SIPA1L1: variants seen among roughly 807,000 people sequenced by gnomAD.
SIPA1L1 encodes signal induced proliferation associated 1 like 1, also known as signal-induced proliferation-associated 1-like protein 1.
A neutral mutation model predicts 162.7 loss-of-function variants in SIPA1L1; 26 were observed. The observed-to-expected ratio is 0.16, with a 90% CI of 0.12 to 0.22. The LOEUF is 0.22. Among genes scored for constraint, SIPA1L1 ranks in the 10% least tolerant of loss-of-function variants. SIPA1L1 has a pLI of 1.00. For synonymous variants in SIPA1L1, 829 were observed against 837.4 expected (o/e 0.99, Z 0.17); for missense variants, 1,874 against 2,241.0 (o/e 0.84, Z 3.31).
At chr14:71,673,698 T>C (rs1236620964) in intron 12 of SIPA1L1, among the ~76,000 whole-genome samples, 1 of 152,246 alleles carries the variant, frequency 6.6e-6, no homozygotes, top group Non-Finnish European at 1.5e-5. Context: ...TGTCAAAATA[T>C]AGAAAAATTC....
At chr14:71,581,575 C>A (rs2033933159) in intron 4 of SIPA1L1, among the ~76,000 whole-genome samples, 1 of 151,984 alleles carries the variant, frequency 6.6e-6, no homozygotes, top group African/African-American at 2.4e-5. Flanking sequence ...TATTTAATAC[C>A]AGATTTGATT....
At chr14:71,479,371 A>ATGTATGTATGTG (rs1555433746) in intron 2 of SIPA1L1, among the ~76,000 whole-genome samples, 6 of 151,320 alleles carry the variant, frequency 4.0e-5, no homozygotes, top group South Asian at 2.1e-4. Flanking sequence ...GTATGTATGT[A>ATGTATGTATGTG]TGTGTGTATA....
At chr14:71,389,788 A>G (rs1309559694) in intron 2 of SIPA1L1, among the ~76,000 whole-genome samples, 2 of 152,180 alleles carry the variant, frequency 1.3e-5, no homozygotes, top group African/African-American at 4.8e-5. Flanking sequence ...CATCGTCAGG[A>G]GCCCACCCTT....
intron 13 of SIPA1L1, among the ~76,000 whole-genome samples, chr14:71,695,257 G>A (rs2081540165): frequency 6.6e-6 from 1 of 152,184 alleles, no homozygotes; most frequent in East Asian, 1.9e-4. Context: ...CATTTGGGTG[G>A]CATTCCATCA....
intron 2 of SIPA1L1, among the ~76,000 whole-genome samples, chr14:71,496,823 G>A (rs997512769): frequency 6.6e-6 from 1 of 152,102 alleles, no homozygotes; most frequent in African/African-American, 2.4e-5. Flanking sequence ...ATTATAAATT[G>A]TCCCTCTTTT....
At position 71,723,777 on chromosome 14, in the gene SIPA1L1, T is replaced by G; in HGVS notation, c.4339T>G (p.Ser1447Ala). 6.2e-7 allele frequency: 1 copy of G among 1,614,158 alleles called. No homozygotes were observed. The highest frequency in any genetic ancestry group is 8.5e-7 in the Non-Finnish European group (1 of 1,180,022). Residue 1447 changes from serine to alanine, a missense_variant, in exon 18 of 24, where the codon TCT (serine) becomes GCT (alanine). By Grantham distance (99) the Ser-to-Ala change is moderately conservative (BLOSUM62 1). This residue lies in a region of SIPA1L1 where 936 missense variants were observed against 1,051.9 expected (regional missense o/e 0.89). Coordinates refer to ENST00000381232, the MANE Select transcript of SIPA1L1 (RefSeq NM_001386936.1). ...CTTCTCCTCCTCTTCCTCCTCCTCC[T>G]CTGGTCCTAGGAGTTTTTACCCTCG... ...PSFSSSSSSS[S>A]GPRSFYPRQG...
chr14:71,486,541 G>A (rs749609792), intron 2 of SIPA1L1, among the ~76,000 whole-genome samples: 1 of 152,198 alleles, frequency 6.6e-6, no homozygotes, highest in East Asian at 1.9e-4. Context: ...CACTTTGCCA[G>A]CCCAAATAAA....
At chr14:71,477,484 A>G (rs562787861) in intron 2 of SIPA1L1, among the ~76,000 whole-genome samples, 2 of 152,288 alleles carry the variant, frequency 1.3e-5, no homozygotes, top group South Asian at 4.1e-4. Context: ...AGAGCAGACC[A>G]TCTCTAATTA....
intron 2 of SIPA1L1, among the ~76,000 whole-genome samples, chr14:71,331,247 A>G (rs544033253): frequency 3.3e-5 from 5 of 152,176 alleles, no homozygotes; most frequent in South Asian, 2.1e-4. Flanking sequence ...ATTCTATTCT[A>G]TTGGTCTCTT....
rs574928513 is a variant in SIPA1L1, at chr14:71,675,728, G to A, written c.3104+3106G>A. Among the ~76,000 whole-genome samples the A allele has an allele frequency of 1.2e-4, 19 of 152,234 alleles. No homozygotes were observed. In the South Asian group the frequency reaches 2.3e-3, roughly 18 times the overall value. On this transcript the variant is annotated intron_variant, in intron 12 of 23. Coordinates refer to ENST00000381232, the MANE Select transcript of SIPA1L1 (RefSeq NM_001386936.1). The stretch of plus-strand genomic sequence containing the variant: ...CACCACCAGTCACTGCAGCTGCAGC[G>A]AGAGGCAGGACAGGCCTCCTTGAGG...
At chr14:71,464,311 A>G (rs555595949) in intron 2 of SIPA1L1, among the ~76,000 whole-genome samples, 2 of 152,236 alleles carry the variant, frequency 1.3e-5, no homozygotes, top group Admixed American at 6.5e-5. Context: ...CAAATAAACT[A>G]TTAGAACCTT....
At chr14:71,536,002 C>A (rs2053862698) in intron 4 of SIPA1L1, among the ~76,000 whole-genome samples, 1 of 152,064 alleles carries the variant, frequency 6.6e-6, no homozygotes, top group Non-Finnish European at 1.5e-5. Flanking sequence ...TGTTGCCTTG[C>A]CATCCTACGG....
intron 2 of SIPA1L1, among the ~76,000 whole-genome samples, chr14:71,390,566 A>G (rs1431962159): frequency 1.3e-5 from 2 of 152,154 alleles, no homozygotes; most frequent in African/African-American, 4.8e-5. Context: ...ATTTGAGCTC[A>G]GGAGTTTGAG....
Position 71,588,541 on chromosome 14 carries a change from T to G in SIPA1L1, c.669T>G (p.Phe223Leu), listed in dbSNP as rs1209806009. The G allele has an allele frequency of 6.2e-7, 1 of 1,614,128 alleles. No homozygotes were observed. The highest frequency in any genetic ancestry group is 8.5e-7 in the Non-Finnish European group (1 of 1,179,986). The change falls in exon 5 of 24, where the codon TTT becomes TTG. Residue 223 changes from phenylalanine to leucine, a missense_variant. By Grantham distance (22) the Phe-to-Leu change is conservative. Transcript: ENST00000381232. The surrounding 1 kb of genome is among the most constrained non-coding windows in gnomAD (Gnocchi z 4.3). ...DKQGTSGESF[F>L]DLLKGYKDDK... is the part of the protein sequence containing the mutation. ...AGGGAACATCTGGAGAAAGCTTTTT[T>G]GATTTGTTAAAGGGCTACAAAGATG...
chr14:71,597,840 G>C (rs898103351), intron 5 of SIPA1L1, among the ~76,000 whole-genome samples: 14 of 152,058 alleles, frequency 9.2e-5, no homozygotes, highest in African/African-American at 3.1e-4. Context: ...CCACTGACCT[G>C]ACCCACCCTA....
At position 71,511,362 on chromosome 14, in the gene SIPA1L1, G is replaced by T. The variant is rs530698375; in HGVS notation, c.-464-1381G>T. 2.0e-4 allele frequency among the ~76,000 whole-genome samples: 30 copies of T among 152,170 alleles called. 1 individual carries two copies. Among genetic ancestry groups the T allele is most frequent in the Non-Finnish European group, 4.4e-4 (30 of 67,998 alleles). ...TAGAGTGGTGTGAACACAGCTCACT[G>T]CTGCCTCTACCTTCTGGACTCAAGC... On this transcript the variant is annotated intron_variant, in intron 2 of 23. Transcript: ENST00000381232.
chr14:71,480,841 A>C (rs549221072), intron 2 of SIPA1L1, among the ~76,000 whole-genome samples: 1 of 152,328 alleles, frequency 6.6e-6, no homozygotes, highest in East Asian at 1.9e-4. Context: ...AAAATACAAG[A>C]ACAAACTAGA....
chr14:71,648,710 T>C (rs2042377541), intron 7 of SIPA1L1, among the ~76,000 whole-genome samples: 1 of 152,256 alleles, frequency 6.6e-6, no homozygotes, highest in Admixed American at 6.5e-5. Flanking sequence ...GTCAGCCCCA[T>C]GTCAAGTTTT....
intron 4 of SIPA1L1, among the ~76,000 whole-genome samples, chr14:71,530,051 G>A (rs899466969): frequency 1.3e-5 from 2 of 152,172 alleles, no homozygotes; most frequent in Non-Finnish European, 2.9e-5. Context: ...TTTCTCTGAC[G>A]TCCAAGCATT....
Sources: gnomAD v4.1 joint callset for allele counts (sites outside exome capture counted in the v4.1 genomes callset) on GRCh38, gnomAD v4.1.1 for gene constraint, gnomAD v4.1.1 regional missense constraint, Gnocchi (gnomAD v3.1) non-coding constraint, MANE v1.5 for transcripts, NCBI Gene and HGNC (gene_info 2026-07-23, HGNC 2026-07-21) for gene names.